BCAS3: variants seen among roughly 807,000 people sequenced by gnomAD.
BCAS3 encodes BCAS3 microtubule associated cell migration factor.
A neutral mutation model predicts 116.1 loss-of-function variants in BCAS3; 53 were observed. That is an observed-to-expected ratio of 0.46 (90% CI 0.37 to 0.57). The LOEUF (loss-of-function observed/expected upper bound fraction) is 0.57, where lower values mean the gene tolerates loss of function less well. Among genes scored for constraint, BCAS3 ranks in the 20% least tolerant of loss-of-function variants. BCAS3 has a pLI of 0.00. For synonymous variants in BCAS3, 391 were observed against 408.2 expected (o/e 0.96, Z 0.51); for missense variants, 917 against 1,165.4 (o/e 0.79, Z 3.10).
In BCAS3 at chr17:61,388,771, G is replaced by T; in HGVS notation, c.2594-3206G>T. On this transcript the variant is annotated intron_variant, in intron 23 of 23. Coordinates refer to ENST00000407086, the MANE Select transcript of BCAS3 (RefSeq NM_017679.5). The surrounding 1 kb of genome is among the most constrained non-coding windows in gnomAD (Gnocchi z 6.5). ...GGCTGGGCGGCCGGGATGACTTGGA[G>T]GGGGGAATCTGAGCAGCCCTCCTCC... 6.9e-7 allele frequency: 1 copy of T among 1,450,208 alleles called. No individual in the cohort carries two copies. Among genetic ancestry groups the T allele is most frequent in the South Asian group, 1.2e-5 (1 of 80,626 alleles). The allele number at this position is 1,450,208 out of a possible 1,614,324, so 89.8% of individuals were successfully genotyped here.
At chr17:60,901,072 G>T (rs775805751) in intron 10 of BCAS3, among the ~76,000 whole-genome samples, 20 of 151,996 alleles carry the variant, frequency 1.3e-4, no homozygotes, top group African/African-American at 3.9e-4. Flanking sequence ...AAATCCAGGC[G>T]TGGTGGCATG....
intron 5 of BCAS3, among the ~76,000 whole-genome samples, chr17:60,710,244 G>A (rs922672773): frequency 1.3e-5 from 2 of 152,132 alleles, no homozygotes; most frequent in Non-Finnish European, 2.9e-5. Context: ...ATGTGTGTAT[G>A]TGTGTTTCAG....
chr17:60,752,482 G>A (rs997591440), intron 6 of BCAS3, among the ~76,000 whole-genome samples: 3 of 151,254 alleles, frequency 2.0e-5, no homozygotes, highest in African/African-American at 7.3e-5. Context: ...GGAGTGCAGT[G>A]GCGCGATCTT....
rs1201264105 is a variant in BCAS3, at chr17:61,130,023, T to C, written c.2425+45459T>C. ...AGCTTTTTGTTTATAAAGGCAATGT[T>C]GTATTCCACAGCATCATTACACACT... On this transcript the variant is annotated intron_variant, in intron 22 of 23. Transcript: ENST00000407086. The surrounding 1 kb of genome is among the most constrained non-coding windows in gnomAD (Gnocchi z 5.0). Among the ~76,000 whole-genome samples, 1 of 152,218 alleles carries C rather than the reference T, an allele frequency of 6.6e-6. No homozygotes were observed. Among genetic ancestry groups the C allele is most frequent in the Non-Finnish European group, 1.5e-5 (1 of 68,038 alleles).
intron 6 of BCAS3, among the ~76,000 whole-genome samples, chr17:60,805,561 C>A (rs2048194493): frequency 6.6e-6 from 1 of 152,156 alleles, no homozygotes; most frequent in East Asian, 1.9e-4. Context: ...GGCGCGGTGG[C>A]TCACGCCTGT....
rs567782780 is a variant in BCAS3 at position 61,241,734 on chromosome 17, G to T, written c.2426-126593G>T. Among the ~76,000 whole-genome samples, 60 of 151,742 alleles carry T rather than the reference G, an allele frequency of 4.0e-4. 1 individual carries two copies. The highest frequency in any genetic ancestry group is 1.4e-3 in the East Asian group (7 of 5,090). The stretch of plus-strand genomic sequence containing the variant: ...ACTCCATCTCAAAAAATAATAATAA[G>T]AATAATAGTTTGGAGGTAAAATGAG... On this transcript the variant is annotated intron_variant, in intron 22 of 23. Transcript: ENST00000407086. This position sits in a 1 kb window ranked among gnomAD's most constrained non-coding sequence, Gnocchi z 4.6.
chr17:61,379,696 G>C lies in BCAS3; in HGVS notation c.2593+11202G>C, dbSNP rs2059510021. ...TTGCTGGCAAAATCCCCCAGCACCA[G>C]GCTTCGCAGCCCTCCCCTGTTACCC... On this transcript the variant is annotated intron_variant, in intron 23 of 23. Coordinates refer to ENST00000407086, the MANE Select transcript of BCAS3 (RefSeq NM_017679.5). This position sits in a 1 kb window ranked among gnomAD's most constrained non-coding sequence, Gnocchi z 5.5. 1 of 152,274 alleles carries C rather than the reference G, an allele frequency of 6.6e-6. No homozygotes were observed. Among genetic ancestry groups the C allele is most frequent in the Non-Finnish European group, 1.5e-5 (1 of 68,098 alleles). The allele number at this position is 152,274 out of a possible 1,614,324, so 9.4% of individuals were successfully genotyped here.
At chr17:61,000,594 A>G (rs145783356) in intron 15 of BCAS3, among the ~76,000 whole-genome samples, 3 of 152,268 alleles carry the variant, frequency 2.0e-5, no homozygotes, top group East Asian at 3.9e-4. Flanking sequence ...TAGTATCATT[A>G]TTGATACTGC....
intron 22 of BCAS3, among the ~76,000 whole-genome samples, chr17:61,237,091 A>G (rs2144479533): frequency 1.3e-5 from 2 of 152,336 alleles, no homozygotes; most frequent in South Asian, 4.1e-4. Flanking sequence ...TTGAAAGGTT[A>G]CCATACTGAG....
intron 22 of BCAS3, among the ~76,000 whole-genome samples, chr17:61,297,569 C>T (rs1022073612): frequency 2.0e-5 from 3 of 152,012 alleles, no homozygotes; most frequent in Admixed American, 6.6e-5. Flanking sequence ...CAGCAGTCAG[C>T]GGGGACCTAG....
At chr17:60,768,658 A>G (rs548037107) in intron 6 of BCAS3, among the ~76,000 whole-genome samples, 1 of 152,308 alleles carries the variant, frequency 6.6e-6, no homozygotes, top group African/African-American at 2.4e-5. Context: ...CTAATATGGT[A>G]GCTTTGAGTG....
rs1168642940 is a variant in BCAS3 at position 61,347,091 on chromosome 17, T to C, written c.2426-21236T>C. Among the ~76,000 whole-genome samples, 1 of 152,214 alleles carries C rather than the reference T, an allele frequency of 6.6e-6. No individual in the cohort carries two copies. The highest frequency in any genetic ancestry group is 1.5e-5 in the Non-Finnish European group (1 of 68,036). On this transcript the variant is annotated intron_variant, in intron 22 of 23. Coordinates refer to ENST00000407086, the MANE Select transcript of BCAS3 (RefSeq NM_017679.5). This position sits in a 1 kb window ranked among gnomAD's most constrained non-coding sequence, Gnocchi z 4.3. The stretch of plus-strand genomic sequence containing the variant: ...GATTTTTGTTTTAACAAATTTTTTT[T>C]TAAGGCAGAGTCTTGCTCTGTCACC...
At chr17:61,264,345 TA>T (rs1298197658) in intron 22 of BCAS3, among the ~76,000 whole-genome samples, 2 of 151,822 alleles carry the variant, frequency 1.3e-5, no homozygotes, top group East Asian at 3.9e-4. Context: ...AAAATCATGA[TA>T]TATTCATTGT....
At chr17:61,179,984 A>G (rs2079387501) in intron 22 of BCAS3, among the ~76,000 whole-genome samples, 1 of 150,628 alleles carries the variant, frequency 6.6e-6, no homozygotes, top group South Asian at 2.1e-4. Flanking sequence ...TATAATGGAG[A>G]GTCCTTTGTA....
At chr17:60,907,952 A>G (rs2058274577) in intron 11 of BCAS3, among the ~76,000 whole-genome samples, 1 of 152,190 alleles carries the variant, frequency 6.6e-6, no homozygotes, top group Non-Finnish European at 1.5e-5. Context: ...TAACATGGAA[A>G]CAAATTTACC....
chr17:61,299,316 G>A (rs191667250), intron 22 of BCAS3, among the ~76,000 whole-genome samples: 2 of 151,616 alleles, frequency 1.3e-5, no homozygotes, highest in African/African-American at 4.8e-5. Context: ...GGTGGTGGGC[G>A]CCTGTAGTCC....
chr17:60,874,797 C>A, intron 9 of BCAS3, 59 bp downstream of exon 9: 6 of 1,046,612 alleles, frequency 5.7e-6, no homozygotes, highest in Non-Finnish European at 8.6e-6. Flanking sequence ...TTACTTGACA[C>A]AATCAGCAAA....
chr17:60,729,094 G>C (rs2040202597), intron 5 of BCAS3, among the ~76,000 whole-genome samples: 1 of 152,126 alleles, frequency 6.6e-6, no homozygotes, highest in Admixed American at 6.6e-5. Flanking sequence ...GTACTCTTTT[G>C]CATCTGTTCT....
chr17:61,049,066 A>C (rs1003174047), intron 19 of BCAS3, among the ~76,000 whole-genome samples: 1 of 152,016 alleles, frequency 6.6e-6, no homozygotes, highest in Non-Finnish European at 1.5e-5. Context: ...TGGGATGCCA[A>C]AGTGGAAGGA....
Sources: allele counts gnomAD v4.1 joint callset (sites outside exome capture counted in the v4.1 genomes callset), GRCh38; gene constraint gnomAD v4.1.1; non-coding constraint Gnocchi (gnomAD v3.1); transcripts MANE v1.5; gene names NCBI Gene and HGNC (gene_info 2026-07-23, HGNC 2026-07-21).